MALSU1: variants seen among roughly 807,000 people sequenced by gnomAD.
MALSU1 encodes mitochondrial assembly of ribosomal large subunit 1.
A neutral mutation model predicts 22.1 loss-of-function variants in MALSU1; 22 were observed. That is an observed-to-expected ratio of 1.00 (90% CI 0.71 to 1.42). MALSU1 has a LOEUF of 1.42. Ranked by LOEUF, MALSU1 falls within the 40% of genes most tolerant of loss-of-function variation. The pLI is 0.00. For synonymous variants in MALSU1, 153 were observed against 118.5 expected, an observed-to-expected ratio of 1.29 and a Z score of -1.89; for missense variants, 379 against 308.3, an observed-to-expected ratio of 1.23 and a Z score of -1.72.
rs1157376410 is a variant in MALSU1, at chr7:23,310,105, A to G, written c.*562A>G. 6.6e-5 allele frequency: 10 copies of G among 152,196 alleles called. No homozygotes were observed. The highest frequency in any genetic ancestry group is 3.2e-3 in the Middle Eastern group (1 of 316). The allele number at this position is 152,196 out of a possible 1,614,324, so 9.4% of individuals were successfully genotyped here. A position where few individuals can be genotyped will look rare whatever the true frequency, so the allele number is the denominator to read the frequency against. On this transcript the variant is annotated 3_prime_UTR_variant, in exon 4 of 4. Coordinates refer to ENST00000466681, the MANE Select transcript of MALSU1 (RefSeq NM_138446.2). Reference sequence around the variant, plus strand: ...ATTATCAAGGTTCACATTAAGTACCATGGCTGGACATGGTATAACAGAAAT... The same window carrying G: ...ATTATCAAGGTTCACATTAAGTACCGTGGCTGGACATGGTATAACAGAAAT...
rs749361384 is a variant in MALSU1, at chr7:23,299,360, C to A, written c.8C>A (p.Pro3Gln). 8 of 1,573,564 alleles carry A rather than the reference C, an allele frequency of 5.1e-6. No homozygotes were observed. In the East Asian group the frequency reaches 1.8e-4, roughly 36 times the overall value. The change falls in exon 1 of 4, where the codon CCG (proline) becomes CAG (glutamine). Residue 3 changes from proline (P) to glutamine (Q), a missense_variant. By Grantham distance (76) the Pro-to-Gln change is moderately conservative. Coordinates refer to ENST00000466681, the MANE Select transcript of MALSU1 (RefSeq NM_138446.2). MG[P>Q]GGRVARLLAP... ...CGACGCAAGGCTGCTGCTATGGGGC[C>A]GGGCGGCCGTGTGGCGCGGCTGCTC...
At chr7:23,306,319 T>G (rs1436695027) in intron 2 of MALSU1, among the ~76,000 whole-genome samples, 1 of 152,256 alleles carries the variant, frequency 6.6e-6, no homozygotes, top group Non-Finnish European at 1.5e-5. Flanking sequence ...GTGCTGAATT[T>G]GTTTAGTAGC....
At chr7:23,307,743 T>TA in intron 2 of MALSU1, 125 bp from the exon 3 acceptor site, 1 of 650,380 alleles carries the variant, frequency 1.5e-6, no homozygotes, top group Admixed American at 2.8e-5. Flanking sequence ...GGGCAAAGTA[T>TA]AGCAATGAGA....
intron 2 of MALSU1, among the ~76,000 whole-genome samples, chr7:23,307,098 G>T (rs1417196913): frequency 1.3e-5 from 2 of 152,138 alleles, no homozygotes; most frequent in Non-Finnish European, 2.9e-5. Context: ...AGTAGATTGT[G>T]TTTCTAGAAA....
chr7:23,302,862 C>T (rs775796833), intron 2 of MALSU1, among the ~76,000 whole-genome samples: 9 of 152,120 alleles, frequency 5.9e-5, no homozygotes, highest in Non-Finnish European at 8.8e-5. Flanking sequence ...CTGCAGTCTC[C>T]GCCTCCCGAG....
intron 2 of MALSU1, among the ~76,000 whole-genome samples, chr7:23,302,895 G>A (rs1369446310): frequency 6.6e-6 from 1 of 152,154 alleles, no homozygotes; most frequent in Non-Finnish European, 1.5e-5. Context: ...TCCGGCCTAA[G>A]CCTCCTGAGT....
rs1474333586 is a variant in MALSU1 at position 23,310,569 on chromosome 7, T to C, written c.*1026T>C. 1 of 152,180 alleles carries C rather than the reference T, an allele frequency of 6.6e-6. No individual in the cohort carries two copies. The highest frequency in any genetic ancestry group is 1.5e-5 in the Non-Finnish European group (1 of 68,036). The allele number at this position is 152,180 out of a possible 1,614,324, so 9.4% of individuals were successfully genotyped here. A position where few individuals can be genotyped will look rare whatever the true frequency, so the allele number is the denominator to read the frequency against. ...GAAATCCAACCAGAAAGCCAGTCCA[T>C]GATTTTAGCAATTTTAATTCATTGT... On this transcript the variant is annotated 3_prime_UTR_variant, in exon 4 of 4. Transcript: ENST00000466681.
intron 2 of MALSU1, among the ~76,000 whole-genome samples, chr7:23,303,971 T>C (rs1026964982): frequency 5.3e-5 from 8 of 151,988 alleles, no homozygotes; most frequent in African/African-American, 1.9e-4. Context: ...CTGGGTGTGG[T>C]GGAGGGTTCC....
intron 2 of MALSU1, among the ~76,000 whole-genome samples, chr7:23,305,024 A>G (rs1283946777): frequency 6.6e-6 from 1 of 151,720 alleles, no homozygotes; most frequent in African/African-American, 2.4e-5. Flanking sequence ...TGTTTTCCCT[A>G]TTTTCTTCTA....
chr7:23,311,459 C>G lies in MALSU1; in HGVS notation c.*1916C>G, dbSNP rs916193056. The G allele has an allele frequency of 6.6e-6, 1 of 152,604 alleles. No homozygotes were observed. The highest frequency in any genetic ancestry group is 1.5e-5 in the Non-Finnish European group (1 of 68,042). 9.5% of individuals were successfully genotyped at this position (152,604 alleles called of 1,614,324 possible). On this transcript the variant is annotated 3_prime_UTR_variant, in exon 4 of 4. Coordinates refer to ENST00000466681, the MANE Select transcript of MALSU1 (RefSeq NM_138446.2). ...CCATTTAAACCAGCCGTTCCAAAAT[C>G]TCCTGCGACCACTTTGTTAGTACCG...
At chr7:23,309,329 A>C (rs1271496753) in intron 3 of MALSU1, 27 bp from the exon 4 acceptor site, 1 of 1,578,816 alleles carries the variant, frequency 6.3e-7, no homozygotes, top group East Asian at 2.2e-5. Flanking sequence ...CTATTCCTTC[A>C]TTGTATCTCT....
intron 2 of MALSU1, 116 bp downstream of exon 2, chr7:23,301,133 C>A: frequency 1.1e-6 from 1 of 935,922 alleles, no homozygotes; most frequent in Non-Finnish European, 1.6e-6. Flanking sequence ...CAGAAGAAGC[C>A]CAAATTTTCA....
chr7:23,309,479 A>C lies in MALSU1; in HGVS notation c.641A>C (p.Asp214Ala). Reference sequence around the variant, plus strand: ...ATAGCACCTGAGACAGTACCTGAAGACTTCATTCTTGGAATAGAAGATGAT... The same window carrying C: ...ATAGCACCTGAGACAGTACCTGAAGCCTTCATTCTTGGAATAGAAGATGAT... Reference protein sequence around the residue: ...AQIAPETVPEDFILGIEDDTS... With the variant: ...AQIAPETVPEAFILGIEDDTS... The change falls in exon 4 of 4, where the codon GAC becomes GCC. Residue 214 changes from aspartate to alanine, a missense_variant. Transcript: ENST00000466681. 1.2e-6 allele frequency: 2 copies of C among 1,612,938 alleles called. No homozygotes were observed. Among genetic ancestry groups the C allele is most frequent in the Non-Finnish European group, 1.7e-6 (2 of 1,179,546 alleles).
intron 2 of MALSU1, among the ~76,000 whole-genome samples, chr7:23,301,637 G>A (rs993558358): frequency 5.9e-5 from 9 of 152,110 alleles, no homozygotes; most frequent in African/African-American, 1.9e-4. Context: ...TATCCATTAC[G>A]GTAGCCACTA....
Position 23,299,549 on chromosome 7 carries a change from G to C in MALSU1, c.197G>C (p.Gly66Ala). ...GTCCGCGGCCTGCACAGCGAGCCTG[G>C]GCTGGAGGAGCGGGCGGAGGGGACG... ...NFVRGLHSEP[G>A]LEERAEGTVN... The change falls in exon 1 of 4, where the codon GGG becomes GCG. Residue 66 changes from glycine to alanine, a missense_variant. Gly to Ala is a moderately conservative substitution (Grantham distance 60). Coordinates refer to ENST00000466681, the MANE Select transcript of MALSU1 (RefSeq NM_138446.2). 1.2e-6 allele frequency: 2 copies of C among 1,611,534 alleles called. No homozygotes were observed. The highest frequency in any genetic ancestry group is 1.7e-6 in the Non-Finnish European group (2 of 1,179,136).
intron 2 of MALSU1, among the ~76,000 whole-genome samples, chr7:23,307,174 C>A (rs540138555): frequency 6.6e-6 from 1 of 152,214 alleles, no homozygotes; most frequent in African/African-American, 2.4e-5. Flanking sequence ...TCTTACAATC[C>A]CATTTCTCTA....
chr7:23,304,712 A>C (rs901194595), intron 2 of MALSU1, among the ~76,000 whole-genome samples: 11 of 152,116 alleles, frequency 7.2e-5, no homozygotes, highest in Admixed American at 5.2e-4. Context: ...TGCCCAGCTA[A>C]TTTATTTTTT....
At position 23,302,545 on chromosome 7, in the gene MALSU1, T is replaced by G. The variant is rs533259625; in HGVS notation, c.435+1528T>G. Among the ~76,000 whole-genome samples the G allele has an allele frequency of 4.6e-5, 7 of 152,242 alleles. 1 individual carries two copies. Among genetic ancestry groups the G allele is most frequent in the African/African-American group, 1.7e-4 (7 of 41,536 alleles). Reference sequence around the variant, plus strand: ...GAACTAGGAAAGCATAAAGAAGAGATATACAAAGACAGCATACCAGGGTCT... The same window carrying G: ...GAACTAGGAAAGCATAAAGAAGAGAGATACAAAGACAGCATACCAGGGTCT... On this transcript the variant is annotated intron_variant, in intron 2 of 3. Transcript: ENST00000466681.
chr7:23,309,286 G>A, intron 3 of MALSU1, 70 bp from the exon 4 acceptor site: 12 of 1,353,960 alleles, frequency 8.9e-6, no homozygotes, highest in Non-Finnish European at 1.2e-5. Flanking sequence ...GTTAGCCAGT[G>A]TGTGTTGTAA....
Sources: gnomAD v4.1 joint callset for allele counts (sites outside exome capture counted in the v4.1 genomes callset) on GRCh38, gnomAD v4.1.1 for gene constraint, MANE v1.5 for transcripts, NCBI Gene and HGNC (gene_info 2026-07-23, HGNC 2026-07-21) for gene names.